The following CRTC3 variants were observed in gnomAD, a reference collection of about 807,000 sequenced individuals.
CRTC3 encodes CREB regulated transcription coactivator 3.
Under a neutral mutation model 74.5 loss-of-function variants are expected in CRTC3, and 26 were observed. The observed-to-expected ratio is 0.35, with a 90% CI of 0.26 to 0.48. CRTC3 has a LOEUF of 0.48. Among genes scored for constraint, CRTC3 ranks in the 20% least tolerant of loss-of-function variants. The pLI is 0.99. For missense variants in CRTC3, 760 were observed against 787.3 expected (o/e 0.97, Z 0.41); for synonymous variants, 377 against 325.8 (o/e 1.16, Z -1.69).
chr15:90,638,475 C>T lies in CRTC3; in HGVS notation c.1296C>T (p.Ser432=). ...TGTCCTCAGACCGAAGCCAACTTTC[C>T]TTTCTGCCCACAGAAGCTCAAGCCC... ...QMVSSDRSQL[S]FLPTEAQAQV... The change falls in exon 12 of 15, where the codon TCC becomes TCT. Residue 432 remains serine, a synonymous_variant. Transcript: ENST00000268184. The T allele has an allele frequency of 6.2e-7, 1 of 1,614,114 alleles. No individual in the cohort carries two copies.
At chr15:90,535,705 G>C (rs1482330539) in intron 1 of CRTC3, among the ~76,000 whole-genome samples, 1 of 152,150 alleles carries the variant, frequency 6.6e-6, no homozygotes, top group African/African-American at 2.4e-5. Flanking sequence ...CGAGCTCTCA[G>C]GATGGAGGAG....
Position 90,641,093 on chromosome 15 carries a change from C to T in CRTC3, c.1549-4C>T, listed in dbSNP as rs774924234. ...CTTCCTCACATGACCTTCGATGCTT[C>T]CAGGTGCCTCTGGTGCAACAAGGTT... On this transcript the variant is annotated splice_region_variant and splice_polypyrimidine_tract_variant and intron_variant, in intron 13 of 14. Transcript: ENST00000268184. The T allele has an allele frequency of 6.2e-7, 1 of 1,607,650 alleles. No individual in the cohort carries two copies. The highest frequency in any genetic ancestry group is 8.5e-7 in the Non-Finnish European group (1 of 1,174,210).
intron 13 of CRTC3, 126 bp from the exon 14 acceptor site, chr15:90,640,971 T>G: frequency 1.5e-6 from 1 of 674,700 alleles, no homozygotes; most frequent in South Asian, 1.7e-5. Flanking sequence ...CACTCTGGGA[T>G]CCTGGAAAGA....
chr15:90,603,239 C>G lies in CRTC3; in HGVS notation c.413+854C>G, dbSNP rs183925391. The stretch of plus-strand genomic sequence containing the variant: ...CGGGCAGATCACAAGCTCAGGAGAT[C>G]GAGACCATCCTCGCTAACACGGTGA... On this transcript the variant is annotated intron_variant, in intron 4 of 14. Transcript: ENST00000268184. Among the ~76,000 whole-genome samples, 975 of 150,728 alleles carry G rather than the reference C, an allele frequency of 6.5e-3. 10 individuals are homozygous for G. The highest frequency in any genetic ancestry group is 0.021 in the African/African-American group (869 of 40,968).
rs1419821069 is a variant in CRTC3 at position 90,603,279 on chromosome 15, T to TA, written c.413+899dup. Among the ~76,000 whole-genome samples the TA allele has an allele frequency of 4.0e-5, 6 of 148,484 alleles. No homozygotes were observed. In the East Asian group the frequency reaches 1.0e-3, roughly 26 times the overall value. ...TAACACGGTGAAACCCCGTCTCCAC[T>TA]AAAAATACAAAAAAGTAGCCGGGCG... is the stretch of plus-strand genomic sequence containing the variant. On this transcript the variant is annotated intron_variant, in intron 4 of 14. Transcript: ENST00000268184.
chr15:90,553,715 G>A (rs1242248487), intron 2 of CRTC3, among the ~76,000 whole-genome samples: 1 of 152,138 alleles, frequency 6.6e-6, no homozygotes, highest in Non-Finnish European at 1.5e-5. Context: ...CAGTGGAGGG[G>A]CAGCAATAGC....
chr15:90,602,293 A>C (rs1171627168), intron 3 of CRTC3, 31 bp from the exon 4 acceptor site: 3 of 1,306,418 alleles, frequency 2.3e-6, no homozygotes, highest in Admixed American at 1.7e-5. Flanking sequence ...CTTTCCATTA[A>C]TTTTTATTTT....
intron 2 of CRTC3, among the ~76,000 whole-genome samples, chr15:90,545,787 C>G (rs1966843271): frequency 6.6e-6 from 1 of 152,044 alleles, no homozygotes; most frequent in Non-Finnish European, 1.5e-5. Context: ...ACTGTGTTAG[C>G]CAGGATGGTC....
rs996909981 is a variant in CRTC3 at position 90,593,734 on chromosome 15, T to C, written c.330T>C (p.Ser110=). Residue 110 remains serine (S), a synonymous_variant, in exon 3 of 15, where the codon TCT becomes TCC. Coordinates refer to ENST00000268184, the MANE Select transcript of CRTC3 (RefSeq NM_022769.5). ...GCTTCCACCCCCTCCACCGAAGGTC[T>C]GGGGACAAGCCAGGGCGACAAATAT... ...RNRFHPLHRR[S]GDKPGRQFDG... 3 of 1,608,228 alleles carry C rather than the reference T, an allele frequency of 1.9e-6. No individual in the cohort carries two copies. The South Asian group carries it at 3.3e-5, about 18-fold the overall frequency.
intron 2 of CRTC3, among the ~76,000 whole-genome samples, chr15:90,584,799 A>G (rs1967621964): frequency 6.6e-6 from 1 of 152,144 alleles, no homozygotes; most frequent in Non-Finnish European, 1.5e-5. Flanking sequence ...CTCTACTACC[A>G]GCTACGTTTC....
intron 2 of CRTC3, among the ~76,000 whole-genome samples, chr15:90,583,645 G>A (rs1967593438): frequency 6.6e-6 from 1 of 152,310 alleles, no homozygotes; most frequent in East Asian, 1.9e-4. Flanking sequence ...GCTGCTGGGG[G>A]AAAAGCCTTC....
chr15:90,640,925 CAAG>C, intron 13 of CRTC3, 169 bp from the exon 14 acceptor site: 2 of 599,792 alleles, frequency 3.3e-6, no homozygotes, highest in Non-Finnish European at 6.0e-6. Flanking sequence ...GCCTGCCTGA[CAAG>C]AATATTGTGC....
At chr15:90,599,159 T>C (rs1968006634) in intron 3 of CRTC3, 1 of 152,044 alleles carries the variant, frequency 6.6e-6, no homozygotes, top group South Asian at 2.1e-4. Context: ...TTTGTTTCCA[T>C]CCATTGCAGC....
At chr15:90,626,467 C>T (rs1230282344) in intron 10 of CRTC3, among the ~76,000 whole-genome samples, 1 of 152,148 alleles carries the variant, frequency 6.6e-6, no homozygotes, top group African/African-American at 2.4e-5. Context: ...AAGTAGAAAT[C>T]CCCCACAGTT....
intron 3 of CRTC3, chr15:90,598,216 A>G: frequency 1.8e-6 from 1 of 558,922 alleles, no homozygotes; most frequent in Admixed American, 3.1e-5. Context: ...GCCCAGGTAC[A>G]CTGACCGCAC....
chr15:90,532,091 G>C (rs1966637023), intron 1 of CRTC3, among the ~76,000 whole-genome samples: 1 of 152,064 alleles, frequency 6.6e-6, no homozygotes, highest in Non-Finnish European at 1.5e-5. Flanking sequence ...CAAAATTATG[G>C]TGTCATTTTG....
intron 11 of CRTC3, among the ~76,000 whole-genome samples, chr15:90,634,294 A>G (rs914060718): frequency 6.6e-6 from 1 of 152,040 alleles, no homozygotes; most frequent in Non-Finnish European, 1.5e-5. Context: ...TGTAATTTTT[A>G]GTAGAGACGG....
Position 90,642,188 on chromosome 15 carries a change from A to G in CRTC3, c.*48A>G. The G allele has an allele frequency of 6.6e-7, 1 of 1,511,694 alleles. No individual in the cohort carries two copies. Among genetic ancestry groups the G allele is most frequent in the Non-Finnish European group, 9.2e-7 (1 of 1,090,388 alleles). 93.6% of individuals were successfully genotyped at this position (1,511,694 alleles called of 1,614,324 possible). A position where few individuals can be genotyped will look rare whatever the true frequency, so the allele number is the denominator to read the frequency against. ...AATGTTTTTCTGCAACAGCCAAAAT[A>G]GAATGGAATAGAATGAAGCCAGCTG... On this transcript the variant is annotated 3_prime_UTR_variant, in exon 15 of 15. Coordinates refer to ENST00000268184, the MANE Select transcript of CRTC3 (RefSeq NM_022769.5).
chr15:90,622,337 C>G (rs28729560), intron 9 of CRTC3, among the ~76,000 whole-genome samples: 2,207 of 152,288 alleles, frequency 0.014, 57 homozygotes, highest in African/African-American at 0.051. Flanking sequence ...ACCTGTTTCA[C>G]AGTGGTCACA....
Sources: gnomAD v4.1 joint callset for allele counts (sites outside exome capture counted in the v4.1 genomes callset) on GRCh38, gnomAD v4.1.1 for gene constraint, MANE v1.5 for transcripts, NCBI Gene and HGNC (gene_info 2026-07-23, HGNC 2026-07-21) for gene names.